COL24A1: variants seen among roughly 807,000 people sequenced by gnomAD.
The protein encoded by COL24A1 is collagen alpha-1(XXIV) chain.
Under a neutral mutation model 253.9 loss-of-function variants are expected in COL24A1, and 224 were observed. The observed-to-expected ratio is 0.88, with a 90% CI of 0.79 to 0.99. The LOEUF is 0.99. Ranked by LOEUF, COL24A1 falls within the 50% of genes least tolerant of loss-of-function variation. The pLI, the probability that COL24A1 is intolerant of heterozygous loss-of-function variation, is 0.00. For missense variants in COL24A1, 2,131 were observed against 2,068.5 expected (o/e 1.03, Z -0.59); for synonymous variants, 685 against 673.7 (o/e 1.02, Z -0.26).
intron 47 of COL24A1, among the ~76,000 whole-genome samples, chr1:85,812,296 T>G (rs1450915330): frequency 1.3e-5 from 2 of 152,218 alleles, no homozygotes; most frequent in African/African-American, 4.8e-5. Context: ...TTCCCATTGC[T>G]TTGACATTGC....
chr1:86,006,044 A>T (rs1034535424), intron 19 of COL24A1, among the ~76,000 whole-genome samples: 2 of 152,176 alleles, frequency 1.3e-5, no homozygotes, highest in Non-Finnish European at 2.9e-5. Context: ...TATGAGGAAA[A>T]CTATAAAATT....
At chr1:85,959,240 C>A (rs1281408120) in intron 24 of COL24A1, among the ~76,000 whole-genome samples, 1 of 152,018 alleles carries the variant, frequency 6.6e-6, no homozygotes, top group Non-Finnish European at 1.5e-5. Flanking sequence ...TAAAAATATT[C>A]TTTAGACATT....
At chr1:85,872,537 C>T (rs536545151) in intron 35 of COL24A1, among the ~76,000 whole-genome samples, 1 of 151,990 alleles carries the variant, frequency 6.6e-6, no homozygotes. Flanking sequence ...AACACCACAT[C>T]TCTACAACCA....
At chr1:85,761,661 C>T (rs756946186) in intron 53 of COL24A1, 95 bp from the exon 54 acceptor site, 114 of 1,207,644 alleles carry the variant, frequency 9.4e-5, no homozygotes, top group East Asian at 2.3e-4. Flanking sequence ...AACTGCCTTT[C>T]GTGCCAGGCA....
chr1:86,077,477 C>G (rs1165132725), intron 7 of COL24A1, among the ~76,000 whole-genome samples: 1 of 152,164 alleles, frequency 6.6e-6, no homozygotes, highest in South Asian at 2.1e-4. Flanking sequence ...ACCCAGCAAT[C>G]TCATTACTGG....
intron 20 of COL24A1, among the ~76,000 whole-genome samples, chr1:85,987,277 T>C (rs911995930): frequency 6.6e-6 from 1 of 151,874 alleles, no homozygotes; most frequent in Non-Finnish European, 1.5e-5. Flanking sequence ...CAAAAGATTT[T>C]TTTAGTGGTC....
chr1:86,045,029 A>G lies in COL24A1; in HGVS notation c.1950+1796T>C, dbSNP rs190964313. Among the ~76,000 whole-genome samples the G allele has an allele frequency of 2.5e-3, 373 of 152,042 alleles. 9 individuals are homozygous for G. In the East Asian group the frequency reaches 0.046, roughly 19 times the overall value. ...TTTTGAGATGGAGTCTTACTCTGTC[A>G]CCCAGGCTGGAGTGCAGTGGCACGA... On this transcript the variant is annotated intron_variant, in intron 12 of 59. Coordinates refer to ENST00000370571, the MANE Select transcript of COL24A1 (RefSeq NM_152890.7).
chr1:85,880,053 AATGT>A (rs568947579), intron 32 of COL24A1, among the ~76,000 whole-genome samples: 50 of 152,312 alleles, frequency 3.3e-4, no homozygotes, highest in African/African-American at 1.1e-3. Flanking sequence ...TAATATCTAC[AATGT>A]AACTTGCTTG....
chr1:85,773,209 G>A (rs1040659285), intron 53 of COL24A1, among the ~76,000 whole-genome samples: 6 of 152,106 alleles, frequency 3.9e-5, no homozygotes, highest in South Asian at 2.1e-4. Flanking sequence ...TGAGGCCTCC[G>A]TTCTGTTCCA....
chr1:85,994,002 C>T (rs1414495829), intron 19 of COL24A1, among the ~76,000 whole-genome samples: 1 of 151,718 alleles, frequency 6.6e-6, no homozygotes, highest in East Asian at 1.9e-4. Flanking sequence ...TTTAAGATGT[C>T]CTGTTGTTAT....
At chr1:86,011,836 C>T (rs1437900439) in intron 19 of COL24A1, among the ~76,000 whole-genome samples, 4 of 152,174 alleles carry the variant, frequency 2.6e-5, no homozygotes, top group Non-Finnish European at 5.9e-5. Context: ...GGGTTGAAAG[C>T]ACTCTCATTC....
chr1:85,995,358 T>C lies in COL24A1; in HGVS notation c.2311-7704A>G, dbSNP rs559533152. 1.5e-4 allele frequency among the ~76,000 whole-genome samples: 23 copies of C among 152,238 alleles called. 1 individual carries two copies. In the South Asian group the frequency reaches 3.5e-3, roughly 23 times the overall value. On this transcript the variant is annotated intron_variant, in intron 19 of 59. Coordinates refer to ENST00000370571, the MANE Select transcript of COL24A1 (RefSeq NM_152890.7). The stretch of plus-strand genomic sequence containing the variant: ...GCTTCAGACTCCCAAGTAGCTAAGA[T>C]TAGAGATACAAGCGATCTGTGCCCA...
intron 24 of COL24A1, among the ~76,000 whole-genome samples, chr1:85,948,685 A>G (rs1489596885): frequency 6.6e-6 from 1 of 151,784 alleles, no homozygotes; most frequent in Non-Finnish European, 1.5e-5. Context: ...TCAAAAAACT[A>G]TATTTTTGAA....
At chr1:85,786,911 C>A (rs577669225) in intron 47 of COL24A1, among the ~76,000 whole-genome samples, 1 of 152,134 alleles carries the variant, frequency 6.6e-6, no homozygotes, top group African/African-American at 2.4e-5. Flanking sequence ...TAAAGTTAAG[C>A]AAGCAAACAG....
At chr1:86,150,229 C>A (rs1221525192) in intron 1 of COL24A1, among the ~76,000 whole-genome samples, 1 of 152,154 alleles carries the variant, frequency 6.6e-6, no homozygotes, top group Non-Finnish European at 1.5e-5. Flanking sequence ...ATCTTTCCCC[C>A]ACCTCTGTAC....
intron 24 of COL24A1, among the ~76,000 whole-genome samples, chr1:85,959,412 A>G (rs1690794890): frequency 6.6e-6 from 1 of 152,136 alleles, no homozygotes; most frequent in African/African-American, 2.4e-5. Flanking sequence ...TGAGATAGCT[A>G]TTGAACTAAT....
At chr1:85,833,065 G>C (rs1675532394) in intron 43 of COL24A1, among the ~76,000 whole-genome samples, 1 of 151,988 alleles carries the variant, frequency 6.6e-6, no homozygotes, top group Non-Finnish European at 1.5e-5. Context: ...CTGTGGGTTT[G>C]TCATAGATAG....
intron 4 of COL24A1, among the ~76,000 whole-genome samples, chr1:86,115,030 C>T (rs1396969016): frequency 1.3e-5 from 2 of 152,112 alleles, no homozygotes; most frequent in African/African-American, 4.8e-5. Context: ...TTAGATATTG[C>T]GATCACTTTA....
At chr1:86,057,900 G>A in intron 10 of COL24A1, 31 bp downstream of exon 10, 6 of 1,600,640 alleles carry the variant, frequency 3.7e-6, no homozygotes, top group Non-Finnish European at 5.1e-6. Flanking sequence ...AGGCAAGCAT[G>A]CTTAACAGAA....
Sources: allele counts gnomAD v4.1 joint callset (sites outside exome capture counted in the v4.1 genomes callset), GRCh38; gene constraint gnomAD v4.1.1; transcripts MANE v1.5; gene names NCBI Gene and HGNC (gene_info 2026-07-23, HGNC 2026-07-21).